Variants in GRB10 observed in about 807,000 individuals in gnomAD.
The protein encoded by GRB10 is growth factor receptor bound protein 10.
In GRB10, 20 loss-of-function variants were observed where a neutral mutation model predicts 80.9. The ratio of observed to expected loss-of-function variants is 0.25; its 90% CI spans 0.17 to 0.36. GRB10 has a LOEUF of 0.36. GRB10 is among the 10% of genes least tolerant of loss of function. The pLI, the probability that GRB10 is intolerant of heterozygous loss-of-function variation, is 1.00. For synonymous variants in GRB10, 291 were observed against 291.5 expected (o/e 1.00, Z 0.02); for missense variants, 548 against 747.7 (o/e 0.73, Z 3.12).
intron 3 of GRB10, among the ~76,000 whole-genome samples, chr7:50,753,033 C>G (rs1381018145): frequency 6.6e-6 from 1 of 152,158 alleles, no homozygotes; most frequent in Non-Finnish European, 1.5e-5. Context: ...ACAGGGCTGG[C>G]TCTTAGAGGC....
chr7:50,639,458 A>G (rs1007818240), intron 7 of GRB10, among the ~76,000 whole-genome samples: 34 of 152,132 alleles, frequency 2.2e-4, no homozygotes, highest in Non-Finnish European at 1.0e-4. Flanking sequence ...GGCGGATCAC[A>G]AGGTCAGGAG....
chr7:50,657,561 C>T (rs1334848570), intron 7 of GRB10, among the ~76,000 whole-genome samples: 1 of 152,146 alleles, frequency 6.6e-6, no homozygotes, highest in Non-Finnish European at 1.5e-5. Context: ...TCTGAAGATG[C>T]CAGGGTTCTA....
intron 7 of GRB10, among the ~76,000 whole-genome samples, chr7:50,654,262 G>A (rs375377354): frequency 7.2e-5 from 11 of 152,212 alleles, no homozygotes; most frequent in African/African-American, 1.2e-4. Flanking sequence ...GTGGCTCTGC[G>A]AGTGTTTCCC....
chr7:50,754,729 G>A (rs1192228831), intron 3 of GRB10, among the ~76,000 whole-genome samples: 5 of 152,122 alleles, frequency 3.3e-5, no homozygotes, highest in Non-Finnish European at 5.9e-5. Flanking sequence ...GAAGGTGACC[G>A]GCAGTACCCA....
At chr7:50,718,077 C>A (rs2067163331) in intron 4 of GRB10, among the ~76,000 whole-genome samples, 1 of 152,198 alleles carries the variant, frequency 6.6e-6, no homozygotes, top group South Asian at 2.1e-4. Flanking sequence ...AGCCCACTGA[C>A]TAAGTGCCAG....
intron 7 of GRB10, among the ~76,000 whole-genome samples, chr7:50,632,551 C>A (rs558818088): frequency 6.6e-6 from 1 of 152,292 alleles, no homozygotes; most frequent in East Asian, 1.9e-4. Context: ...GTGCCCCACC[C>A]TTAGTGAGAC....
At chr7:50,594,522 C>T (rs926298934) in intron 18 of GRB10, among the ~76,000 whole-genome samples, 6 of 152,190 alleles carry the variant, frequency 3.9e-5, no homozygotes, top group African/African-American at 1.2e-4. Flanking sequence ...TCTTTGCTGA[C>T]ATGCAGATTG....
At chr7:50,666,896 C>T (rs958046116) in intron 7 of GRB10, among the ~76,000 whole-genome samples, 4 of 151,920 alleles carry the variant, frequency 2.6e-5, no homozygotes, top group African/African-American at 4.8e-5. Context: ...AAAAATTAGC[C>T]GGGCGTGGTG....
At chr7:50,739,854 A>T (rs1017429885) in intron 3 of GRB10, among the ~76,000 whole-genome samples, 1 of 151,458 alleles carries the variant, frequency 6.6e-6, no homozygotes, top group African/African-American at 2.4e-5. Context: ...TTCCCTCTTC[A>T]CCCCTCAGTC....
chr7:50,733,560 T>C (rs2070269853), intron 3 of GRB10, among the ~76,000 whole-genome samples: 1 of 152,134 alleles, frequency 6.6e-6, no homozygotes, highest in African/African-American at 2.4e-5. Context: ...AAGGAAGCAG[T>C]CAATAGCAGT....
chr7:50,635,525 C>A (rs1362957173), intron 7 of GRB10, among the ~76,000 whole-genome samples: 3 of 151,082 alleles, frequency 2.0e-5, no homozygotes, highest in Non-Finnish European at 2.9e-5. Flanking sequence ...AAGATCAGAG[C>A]AGAACTAAGT....
At chr7:50,614,943 G>A in intron 11 of GRB10, 63 bp from the exon 12 acceptor site, 1 of 993,674 alleles carries the variant, frequency 1.0e-6, no homozygotes, top group Non-Finnish European at 1.6e-6. Context: ...GTTCACCTCT[G>A]GTAGACAGAG....
At chr7:50,654,091 A>G (rs1481656290) in intron 7 of GRB10, among the ~76,000 whole-genome samples, 1 of 152,186 alleles carries the variant, frequency 6.6e-6, no homozygotes, top group African/African-American at 2.4e-5. Context: ...GAAGCTGAGC[A>G]TGGAAGAGAC....
intron 6 of GRB10, among the ~76,000 whole-genome samples, chr7:50,673,540 C>T (rs1345547337): frequency 6.6e-6 from 1 of 152,142 alleles, no homozygotes; most frequent in Non-Finnish European, 1.5e-5. Context: ...GCTGGCAAAA[C>T]GCAGCTGCTC....
intron 3 of GRB10, among the ~76,000 whole-genome samples, chr7:50,754,455 T>G (rs971496298): frequency 5.3e-5 from 8 of 152,130 alleles, no homozygotes; most frequent in Non-Finnish European, 1.2e-4. Flanking sequence ...GGTTCATGCA[T>G]GACCAGGGCG....
chr7:50,596,939 C>T (rs2046761802), intron 17 of GRB10, among the ~76,000 whole-genome samples: 1 of 151,840 alleles, frequency 6.6e-6, no homozygotes, highest in African/African-American at 2.4e-5. Flanking sequence ...CATCAGAAAG[C>T]GAAGAAAGAT....
chr7:50,606,417 G>A lies in GRB10; in HGVS notation c.1195-3C>T, dbSNP rs2048532870. 1 of 1,612,810 alleles carries A rather than the reference G, an allele frequency of 6.2e-7. No homozygotes were observed. Among genetic ancestry groups the A allele is most frequent in the Non-Finnish European group, 8.5e-7 (1 of 1,178,762 alleles). ...TTCTGGTAAAGGAGCATTCCATACT[G>A]GAGAGGAGAAGCCACAGTTAGTCAC... On this transcript the variant is annotated splice_region_variant and splice_polypyrimidine_tract_variant and intron_variant, in intron 13 of 18. Coordinates refer to ENST00000401949, the MANE Select transcript of GRB10 (RefSeq NM_001350814.2).
chr7:50,755,326 G>GTTGACAT (rs1404411528), intron 3 of GRB10, among the ~76,000 whole-genome samples: 4 of 152,184 alleles, frequency 2.6e-5, no homozygotes, highest in African/African-American at 9.7e-5. Context: ...GCCACCTGAG[G>GTTGACAT]TTGACATGCC....
intron 3 of GRB10, among the ~76,000 whole-genome samples, chr7:50,754,544 A>C: frequency 6.6e-6 from 1 of 152,192 alleles, no homozygotes. Flanking sequence ...CTCTCAGAAA[A>C]AAAGCAACGG....
Sources: allele counts gnomAD v4.1 joint callset (sites outside exome capture counted in the v4.1 genomes callset), GRCh38; gene constraint gnomAD v4.1.1; transcripts MANE v1.5; gene names NCBI Gene and HGNC (gene_info 2026-07-23, HGNC 2026-07-21).